The following ZCWPW2 variants were observed in gnomAD, a reference collection of about 807,000 sequenced individuals.
ZCWPW2 encodes zinc finger CW-type PWWP domain protein 2.
Under a neutral mutation model 46.6 loss-of-function variants are expected in ZCWPW2, and 45 were observed. The ratio of observed to expected loss-of-function variants is 0.96; its 90% CI spans 0.76 to 1.24. The LOEUF (loss-of-function observed/expected upper bound fraction) is 1.24, where lower values mean the gene tolerates loss of function less well. Ranked by LOEUF, ZCWPW2 falls within the 50% of genes most tolerant of loss-of-function variation. The pLI is 0.00. For synonymous variants in ZCWPW2, 152 were observed against 137.1 expected, an observed-to-expected ratio of 1.11 and a Z score of -0.76; for missense variants, 429 against 403.9, an observed-to-expected ratio of 1.06 and a Z score of -0.53.
intron 9 of ZCWPW2, among the ~76,000 whole-genome samples, chr3:28,522,672 TGA>T (rs1700754443): frequency 6.6e-6 from 1 of 152,158 alleles, no homozygotes; most frequent in African/African-American, 2.4e-5. Context: ...CCTACTTAGT[TGA>T]AAAACATAAC....
At chr3:28,379,897 T>A (rs889801103) in intron 1 of ZCWPW2, among the ~76,000 whole-genome samples, 9 of 152,176 alleles carry the variant, frequency 5.9e-5, no homozygotes, top group Non-Finnish European at 2.9e-5. Flanking sequence ...TGAATTATAA[T>A]GGAGTAGACC....
chr3:28,499,838 C>T (rs997219995), intron 6 of ZCWPW2, among the ~76,000 whole-genome samples: 9 of 152,106 alleles, frequency 5.9e-5, no homozygotes, highest in Admixed American at 2.0e-4. Context: ...TAGGCATAGA[C>T]ACTTATTAGT....
At chr3:28,403,491 A>G (rs919244059) in intron 2 of ZCWPW2, among the ~76,000 whole-genome samples, 1 of 152,160 alleles carries the variant, frequency 6.6e-6, no homozygotes, top group Non-Finnish European at 1.5e-5. Context: ...TACAAATTCA[A>G]TGCAATTCCC....
Position 28,420,709 on chromosome 3 carries a change from T to G in ZCWPW2, c.332+7309T>G, listed in dbSNP as rs534584162. On this transcript the variant is annotated intron_variant, in intron 3 of 9. Coordinates refer to ENST00000383768, the MANE Select transcript of ZCWPW2 (RefSeq NM_001040432.4). ...AAGCTTTCACTTTTTGGTAGGGGTATTATTTATTTTTACCATAACAACTTT... is the reference window on the plus strand; with the variant it reads ...AAGCTTTCACTTTTTGGTAGGGGTAGTATTTATTTTTACCATAACAACTTT... 1.2e-3 allele frequency among the ~76,000 whole-genome samples: 179 copies of G among 152,174 alleles called. 2 individuals are homozygous for G. The highest frequency in any genetic ancestry group is 4.0e-3 in the African/African-American group (166 of 41,524).
intron 4 of ZCWPW2, among the ~76,000 whole-genome samples, chr3:28,476,717 T>C (rs1699248275): frequency 6.6e-6 from 1 of 152,184 alleles, no homozygotes; most frequent in Admixed American, 6.5e-5. Flanking sequence ...GAAATAGTTA[T>C]ATAACTCACC....
At chr3:28,510,565 C>A (rs1330195006) in intron 6 of ZCWPW2, among the ~76,000 whole-genome samples, 1 of 152,024 alleles carries the variant, frequency 6.6e-6, no homozygotes, top group African/African-American at 2.4e-5. Context: ...CTTCTTCCTC[C>A]AAAGTACATT....
At chr3:28,494,242 T>G (rs576294524) in intron 6 of ZCWPW2, among the ~76,000 whole-genome samples, 1 of 37,852 alleles carries the variant, frequency 2.6e-5, no homozygotes, top group East Asian at 6.4e-4. Context: ...ATGTCCTGAA[T>G]GGTAATGCCT....
intron 7 of ZCWPW2, 92 bp downstream of exon 7, chr3:28,514,214 C>A: frequency 3.7e-6 from 3 of 808,818 alleles, no homozygotes; most frequent in South Asian, 2.2e-5. Flanking sequence ...CCCTAAACAA[C>A]ATCTTTACGT....
At chr3:28,511,721 T>C (rs901998855) in intron 6 of ZCWPW2, among the ~76,000 whole-genome samples, 7 of 152,142 alleles carry the variant, frequency 4.6e-5, no homozygotes, top group Non-Finnish European at 1.0e-4. Context: ...ATCCTCTTTG[T>C]TCTTTACTCC....
chr3:28,474,000 A>G (rs931959976), intron 4 of ZCWPW2, among the ~76,000 whole-genome samples: 1 of 152,188 alleles, frequency 6.6e-6, no homozygotes, highest in African/African-American at 2.4e-5. Flanking sequence ...TTAATTTTAC[A>G]TTTAAAAATA....
At chr3:28,521,821 T>C (rs1005692318) in intron 9 of ZCWPW2, among the ~76,000 whole-genome samples, 1 of 152,124 alleles carries the variant, frequency 6.6e-6, no homozygotes, top group Admixed American at 6.6e-5. Context: ...AAAATGGCAG[T>C]GAGGAGTTCT....
At chr3:28,424,184 A>C (rs188259524) in intron 3 of ZCWPW2, among the ~76,000 whole-genome samples, 1 of 151,676 alleles carries the variant, frequency 6.6e-6, no homozygotes, top group Admixed American at 6.6e-5. Flanking sequence ...CATGAAGAAA[A>C]TAGGATGTTG....
chr3:28,433,475 A>T (rs1482169014), intron 3 of ZCWPW2, among the ~76,000 whole-genome samples: 4 of 152,180 alleles, frequency 2.6e-5, no homozygotes, highest in African/African-American at 9.7e-5. Flanking sequence ...TCATTTAAAT[A>T]AAGAAAACAG....
At position 28,413,322 on chromosome 3, in the gene ZCWPW2, A is replaced by G. The variant is rs1403375272; in HGVS notation, c.254A>G (p.His85Arg). ...EEDFPEESQL[H>R]QCGFKIVYSQ... Reference sequence around the variant, plus strand: ...GACTTCCCTGAAGAGTCTCAGCTTCATCAGTGTGGATTTAAGATTGTCTAT... The same window carrying G: ...GACTTCCCTGAAGAGTCTCAGCTTCGTCAGTGTGGATTTAAGATTGTCTAT... Residue 85 changes from histidine to arginine, a missense_variant, in exon 3 of 10, where the codon CAT becomes CGT. By Grantham distance (29) the His-to-Arg change is conservative (BLOSUM62 0). Transcript: ENST00000383768. 1 of 1,613,284 alleles carries G rather than the reference A, an allele frequency of 6.2e-7. No homozygotes were observed. Among genetic ancestry groups the G allele is most frequent in the Non-Finnish European group, 8.5e-7 (1 of 1,179,472 alleles).
chr3:28,367,905 C>T (rs1329645677), intron 1 of ZCWPW2, among the ~76,000 whole-genome samples: 1 of 151,996 alleles, frequency 6.6e-6, no homozygotes, highest in East Asian at 1.9e-4. Context: ...ATGTAATGGC[C>T]TCTTCGTCTC....
At chr3:28,467,455 T>C (rs1264683063) in intron 4 of ZCWPW2, among the ~76,000 whole-genome samples, 1 of 149,896 alleles carries the variant, frequency 6.7e-6, no homozygotes, top group African/African-American at 2.5e-5. Flanking sequence ...TAAAAAACAA[T>C]CACAACCTAC....
At chr3:28,386,308 C>T (rs982407992) in intron 1 of ZCWPW2, among the ~76,000 whole-genome samples, 10 of 152,202 alleles carry the variant, frequency 6.6e-5, no homozygotes, top group African/African-American at 1.9e-4. Flanking sequence ...GGCATCAGTC[C>T]GCAAGCCAGA....
At chr3:28,382,202 A>G (rs1193322648) in intron 1 of ZCWPW2, among the ~76,000 whole-genome samples, 1 of 151,910 alleles carries the variant, frequency 6.6e-6, no homozygotes, top group East Asian at 1.9e-4. Context: ...TTTTCTCACA[A>G]TTCTGGAAGC....
At chr3:28,470,211 T>C (rs1698984790) in intron 4 of ZCWPW2, among the ~76,000 whole-genome samples, 1 of 152,110 alleles carries the variant, frequency 6.6e-6, no homozygotes, top group African/African-American at 2.4e-5. Flanking sequence ...AAAGGAAATT[T>C]AGGCCGGGTG....
Sources: gnomAD v4.1 joint callset for allele counts (sites outside exome capture counted in the v4.1 genomes callset) on GRCh38, gnomAD v4.1.1 for gene constraint, MANE v1.5 for transcripts, NCBI Gene and HGNC (gene_info 2026-07-23, HGNC 2026-07-21) for gene names.